The following PCSK2 variants were observed in gnomAD, a reference collection of about 807,000 sequenced individuals.
The protein encoded by PCSK2 is neuroendocrine convertase 2.
In PCSK2, 14 loss-of-function variants were observed where a neutral mutation model predicts 69.7. That is an observed-to-expected ratio of 0.20 (90% CI 0.13 to 0.31). PCSK2 has a LOEUF of 0.31. Ranked by LOEUF, PCSK2 falls within the 10% of genes least tolerant of loss-of-function variation. PCSK2 has a pLI of 1.00. For missense variants in PCSK2, 544 were observed against 842.5 expected (o/e 0.65, Z 4.39); for synonymous variants, 307 against 320.7 (o/e 0.96, Z 0.46).
rs201880969 is a variant in PCSK2 at position 17,453,722 on chromosome 20, G to C, written c.886-20G>C. 3 of 1,610,636 alleles carry C rather than the reference G, an allele frequency of 1.9e-6. No individual in the cohort carries two copies. The highest frequency in any genetic ancestry group is 1.1e-5 in the South Asian group (1 of 91,040). On this transcript the variant is annotated intron_variant, in intron 8 of 11. Coordinates refer to ENST00000262545, the MANE Select transcript of PCSK2 (RefSeq NM_002594.5). The surrounding 1 kb of genome is among the most constrained non-coding windows in gnomAD (Gnocchi z 4.0). ...AGCCCAGGCTGTGGGTAGCGGCAGC[G>C]TCTCCCCTGCTCTCCCCAGGGCCGC...
chr20:17,369,421 T>TGGA, intron 5 of PCSK2, 144 bp downstream of exon 5: 1 of 720,614 alleles, frequency 1.4e-6, no homozygotes, highest in South Asian at 1.5e-5. Context: ...CACACAGGAG[T>TGGA]ACAGCTGCTG....
intron 10 of PCSK2, among the ~76,000 whole-genome samples, chr20:17,459,943 A>C (rs2032985808): frequency 6.6e-6 from 1 of 152,240 alleles, no homozygotes; most frequent in Non-Finnish European, 1.5e-5. Flanking sequence ...GTATTCAGTC[A>C]AGATTTAATG....
At chr20:17,458,471 A>AAACTCCAAGGC (rs1568658887) in intron 10 of PCSK2, among the ~76,000 whole-genome samples, 1 of 152,208 alleles carries the variant, frequency 6.6e-6, no homozygotes, top group Non-Finnish European at 1.5e-5. Flanking sequence ...CTGGAGAAGT[A>AAACTCCAAGGC]AACTCCAAGG....
chr20:17,478,970 T>C (rs1404467431), intron 11 of PCSK2: 11 of 643,836 alleles, frequency 1.7e-5, no homozygotes, highest in Non-Finnish European at 2.5e-5. Flanking sequence ...TTTTTGTTGA[T>C]AGCTTTAAAG....
chr20:17,293,235 A>C (rs1292411790), intron 2 of PCSK2, among the ~76,000 whole-genome samples: 1 of 152,202 alleles, frequency 6.6e-6, no homozygotes. Context: ...CACCTATAAA[A>C]TGATTCTCTC....
intron 2 of PCSK2, among the ~76,000 whole-genome samples, chr20:17,347,804 G>T (rs533515193): frequency 0.011 from 1,066 of 94,892 alleles, 30 homozygotes; most frequent in Middle Eastern, 0.018. Flanking sequence ...AAGAAAGAAA[G>T]AAAGAAAGAA....
intron 5 of PCSK2, among the ~76,000 whole-genome samples, chr20:17,387,193 A>G (rs1290872730): frequency 1.3e-5 from 2 of 152,224 alleles, no homozygotes; most frequent in African/African-American, 4.8e-5. Flanking sequence ...AAGGATAGCA[A>G]TATGCCTTCA....
chr20:17,318,506 G>T (rs1989760532), intron 2 of PCSK2, among the ~76,000 whole-genome samples: 1 of 152,200 alleles, frequency 6.6e-6, no homozygotes, highest in African/African-American at 2.4e-5. Flanking sequence ...AATGCATTCT[G>T]CATTGTATAT....
chr20:17,388,442 G>T (rs2031291693), intron 5 of PCSK2, among the ~76,000 whole-genome samples: 1 of 152,070 alleles, frequency 6.6e-6, no homozygotes, highest in Admixed American at 6.6e-5. Context: ...GAGAGAGAAA[G>T]AATGTAGTTA....
intron 5 of PCSK2, among the ~76,000 whole-genome samples, chr20:17,398,947 A>G (rs1292355703): frequency 6.6e-6 from 1 of 152,198 alleles, no homozygotes; most frequent in East Asian, 1.9e-4. Flanking sequence ...GAGCTCATGA[A>G]GGCTAATGAG....
In PCSK2 at chr20:17,249,573, G is replaced by A. The variant is rs551178354; in HGVS notation, c.178-10667G>A. Among the ~76,000 whole-genome samples, 69 of 151,184 alleles carry A rather than the reference G, an allele frequency of 4.6e-4. 1 individual carries two copies. In the South Asian group the frequency reaches 0.012, roughly 27 times the overall value. On this transcript the variant is annotated intron_variant, in intron 1 of 11. Transcript: ENST00000262545. ...ACCTATGTTCATGGCAGCATTATTCGCAATAGCCAAAAGGTGGAAGCAAAT... is the reference window on the plus strand; with the variant it reads ...ACCTATGTTCATGGCAGCATTATTCACAATAGCCAAAAGGTGGAAGCAAAT...
chr20:17,393,600 T>A (rs1356286052), intron 5 of PCSK2, among the ~76,000 whole-genome samples: 1 of 152,194 alleles, frequency 6.6e-6, no homozygotes, highest in Admixed American at 6.5e-5. Context: ...TTAAGCACAG[T>A]TGAGTTAAAT....
intron 1 of PCSK2, among the ~76,000 whole-genome samples, chr20:17,230,222 C>G (rs2122926666): frequency 6.6e-6 from 1 of 152,296 alleles, no homozygotes; most frequent in South Asian, 2.1e-4. Flanking sequence ...CAACTCCCTA[C>G]TGCTCCCTGC....
chr20:17,310,030 A>G (rs1348836381), intron 2 of PCSK2, among the ~76,000 whole-genome samples: 3 of 152,036 alleles, frequency 2.0e-5, no homozygotes, highest in Non-Finnish European at 4.4e-5. Flanking sequence ...GCTTCCAATC[A>G]TGGCGGAAGG....
chr20:17,336,029 A>G (rs530049808), intron 2 of PCSK2, among the ~76,000 whole-genome samples: 1 of 152,182 alleles, frequency 6.6e-6, no homozygotes, highest in Non-Finnish European at 1.5e-5. Flanking sequence ...TCACATGCTC[A>G]TCCAGGTCAA....
chr20:17,358,732 T>G (rs1231455935), intron 3 of PCSK2, among the ~76,000 whole-genome samples: 1 of 152,194 alleles, frequency 6.6e-6, no homozygotes, highest in Non-Finnish European at 1.5e-5. Flanking sequence ...GACTGAAGAT[T>G]AGCAAAACTA....
Position 17,289,949 on chromosome 20 carries a change from A to C in PCSK2, c.282+29605A>C, listed in dbSNP as rs1345683944. On this transcript the variant is annotated intron_variant, in intron 2 of 11. Transcript: ENST00000262545. Reference sequence around the variant, plus strand: ...TTAATGTACATCTGATTATTTGCAGAAGATAAATTTCTAGAAGTAGAATTG... The same window carrying C: ...TTAATGTACATCTGATTATTTGCAGCAGATAAATTTCTAGAAGTAGAATTG... Among the ~76,000 whole-genome samples, 4 of 152,366 alleles carry C rather than the reference A, an allele frequency of 2.6e-5. No homozygotes were observed. The East Asian group carries it at 7.7e-4, about 29-fold the overall frequency.
At chr20:17,305,990 C>A (rs547217089) in intron 2 of PCSK2, among the ~76,000 whole-genome samples, 47 of 152,296 alleles carry the variant, frequency 3.1e-4, no homozygotes, top group African/African-American at 1.0e-3. Context: ...TGACATTTTT[C>A]TGCAAATGTG....
chr20:17,315,060 C>G (rs535999910), intron 2 of PCSK2, among the ~76,000 whole-genome samples: 1 of 152,198 alleles, frequency 6.6e-6, no homozygotes, highest in Non-Finnish European at 1.5e-5. Flanking sequence ...TTAGCCCACT[C>G]TATCGAAGTC....
Sources: allele counts gnomAD v4.1 joint callset (sites outside exome capture counted in the v4.1 genomes callset), GRCh38; gene constraint gnomAD v4.1.1; non-coding constraint Gnocchi (gnomAD v3.1); transcripts MANE v1.5; gene names NCBI Gene and HGNC (gene_info 2026-07-23, HGNC 2026-07-21).